The following VGLL4 variants were observed in gnomAD, a reference collection of about 807,000 sequenced individuals.
The protein encoded by VGLL4 is transcription cofactor vestigial-like protein 4.
In VGLL4, 7 loss-of-function variants were observed where a neutral mutation model predicts 21.0. The ratio of observed to expected loss-of-function variants is 0.33; its 90% CI spans 0.19 to 0.63. The LOEUF (loss-of-function observed/expected upper bound fraction) is 0.63, where lower values mean the gene tolerates loss of function less well. VGLL4 is among the 20% of genes least tolerant of loss of function. VGLL4 has a pLI of 0.78. For missense variants in VGLL4, 394 were observed against 425.7 expected (o/e 0.93, Z 0.66); for synonymous variants, 222 against 173.2 (o/e 1.28, Z -2.21).
At chr3:11,710,010 G>C (rs918642553) in intron 1 of VGLL4, among the ~76,000 whole-genome samples, 4 of 152,188 alleles carry the variant, frequency 2.6e-5, no homozygotes, top group Admixed American at 2.6e-4. Flanking sequence ...AATCATAATG[G>C]AAGGCAAAGC....
At chr3:11,609,506 T>C (rs987736157) in intron 1 of VGLL4, among the ~76,000 whole-genome samples, 7 of 152,210 alleles carry the variant, frequency 4.6e-5, no homozygotes, top group African/African-American at 1.7e-4. Context: ...TACAAGAAAG[T>C]TGTAGCCAGC....
intron 2 of VGLL4, among the ~76,000 whole-genome samples, chr3:11,590,946 A>G (rs960599442): frequency 6.6e-6 from 1 of 152,206 alleles, no homozygotes; most frequent in Non-Finnish European, 1.5e-5. Context: ...AATCAAATCT[A>G]TTAATGTAGA....
At chr3:11,696,353 C>G (rs2076606665) in intron 2 of VGLL4, among the ~76,000 whole-genome samples, 1 of 152,208 alleles carries the variant, frequency 6.6e-6, no homozygotes, top group Non-Finnish European at 1.5e-5. Flanking sequence ...TGGTCACTCC[C>G]TTTGGTGAAA....
chr3:11,649,960 A>C (rs1465674744), intron 2 of VGLL4, among the ~76,000 whole-genome samples: 2 of 150,514 alleles, frequency 1.3e-5, no homozygotes, highest in African/African-American at 4.9e-5. Flanking sequence ...GTTTTTTTGA[A>C]ACAGGGTCTC....
At chr3:11,609,974 G>A (rs1335606143) in intron 1 of VGLL4, among the ~76,000 whole-genome samples, 4 of 152,098 alleles carry the variant, frequency 2.6e-5, no homozygotes, top group East Asian at 1.9e-4. Context: ...TTAAATCTCC[G>A]CTGTGTCTAA....
At chr3:11,612,365 G>A (rs2075079336) in intron 1 of VGLL4, among the ~76,000 whole-genome samples, 1 of 152,140 alleles carries the variant, frequency 6.6e-6, no homozygotes, top group Admixed American at 6.5e-5. Context: ...TTGAGTAAGT[G>A]GGGTCAAACT....
chr3:11,564,169 C>T (rs1387198388), intron 3 of VGLL4, among the ~76,000 whole-genome samples: 1 of 152,176 alleles, frequency 6.6e-6, no homozygotes, highest in East Asian at 1.9e-4. Context: ...CATATATTTC[C>T]CCAGGAACCC....
At chr3:11,664,201 G>A (rs2076076556) in intron 2 of VGLL4, among the ~76,000 whole-genome samples, 1 of 152,164 alleles carries the variant, frequency 6.6e-6, no homozygotes, top group Admixed American at 6.5e-5. Flanking sequence ...TCGCACCACT[G>A]CACTCCAGCC....
Position 11,568,185 on chromosome 3 carries a change from C to A in VGLL4, c.273-3166G>T, listed in dbSNP as rs1420364862. ...ATGGAGGAGCAGACTAAAGGTCAGG[C>A]GTCTGCCCATGTCCAAAGCCAAAGT... On this transcript the variant is annotated intron_variant, in intron 2 of 4. Coordinates refer to ENST00000430365, the MANE Select transcript of VGLL4 (RefSeq NM_001128219.3). The surrounding 1 kb of genome is among the most constrained non-coding windows in gnomAD (Gnocchi z 5.9). Among the ~76,000 whole-genome samples the A allele has an allele frequency of 2.6e-5, 4 of 152,218 alleles. No individual in the cohort carries two copies. The highest frequency in any genetic ancestry group is 1.3e-4 in the Admixed American group (2 of 15,274).
intron 1 of VGLL4, chr3:11,633,187 C>T (rs920620002): frequency 2.0e-5 from 3 of 152,180 alleles, no homozygotes; most frequent in African/African-American, 7.2e-5. Context: ...AGTCAAAAGA[C>T]ACTGGAGTCA....
chr3:11,712,860 G>A (rs74526960), intron 1 of VGLL4, among the ~76,000 whole-genome samples: 4,421 of 152,246 alleles, frequency 0.029, 231 homozygotes, highest in African/African-American at 0.1. Context: ...GCCCTTACCC[G>A]TCAGGAACAC....
At chr3:11,687,527 G>A (rs940119977) in intron 2 of VGLL4, among the ~76,000 whole-genome samples, 13 of 152,100 alleles carry the variant, frequency 8.5e-5, no homozygotes, top group African/African-American at 3.1e-4. Context: ...CCAGGCTGGT[G>A]TCAAACTCCT....
intron 2 of VGLL4, among the ~76,000 whole-genome samples, chr3:11,662,203 C>G (rs1414319044): frequency 1.3e-5 from 2 of 152,154 alleles, no homozygotes; most frequent in African/African-American, 2.4e-5. Flanking sequence ...GAAGGCAGAA[C>G]CTGAGAACAC....
intron 2 of VGLL4, among the ~76,000 whole-genome samples, chr3:11,662,180 C>T (rs1439766321): frequency 6.6e-6 from 1 of 152,154 alleles, no homozygotes; most frequent in Non-Finnish European, 1.5e-5. Context: ...AACAAGAAAA[C>T]CCCAAGAGAA....
upstream of VGLL4, among the ~76,000 whole-genome samples, chr3:11,644,544 T>TA (rs1477142021): frequency 3.9e-5 from 6 of 152,092 alleles, no homozygotes; most frequent in African/African-American, 1.4e-4. Context: ...TTTTCCCACC[T>TA]AATGTTATAA....
chr3:11,584,435 G>A (rs1415961896), intron 2 of VGLL4, among the ~76,000 whole-genome samples: 1 of 152,122 alleles, frequency 6.6e-6, no homozygotes, highest in Non-Finnish European at 1.5e-5. Flanking sequence ...AGTCACCTGT[G>A]GGAAGATGCC....
intron 2 of VGLL4, among the ~76,000 whole-genome samples, chr3:11,668,242 C>G (rs2076156103): frequency 6.6e-6 from 1 of 152,156 alleles, no homozygotes; most frequent in African/African-American, 2.4e-5. Context: ...AACCCCAAGA[C>G]TAGTATTTTG....
At chr3:11,629,107 A>C (rs765084630) in intron 1 of VGLL4, among the ~76,000 whole-genome samples, 2 of 152,244 alleles carry the variant, frequency 1.3e-5, no homozygotes, top group African/African-American at 4.8e-5. Flanking sequence ...CAATTTTCAC[A>C]ATACTGAATG....
At chr3:11,642,329 G>A (rs1396508397) in intron 1 of VGLL4, among the ~76,000 whole-genome samples, 2 of 151,988 alleles carry the variant, frequency 1.3e-5, no homozygotes, top group African/African-American at 2.4e-5. Flanking sequence ...TTTCCTTGAA[G>A]GGGAAAAATA....
Sources: allele counts gnomAD v4.1 joint callset (sites outside exome capture counted in the v4.1 genomes callset), GRCh38; gene constraint gnomAD v4.1.1; non-coding constraint Gnocchi (gnomAD v3.1); transcripts MANE v1.5; gene names NCBI Gene and HGNC (gene_info 2026-07-23, HGNC 2026-07-21).